STXBP4: variants seen among roughly 807,000 people sequenced by gnomAD.
STXBP4 encodes the protein syntaxin-binding protein 4.
A neutral mutation model predicts 76.1 loss-of-function variants in STXBP4; 55 were observed. The ratio of observed to expected loss-of-function variants is 0.72; its 90% CI spans 0.58 to 0.91. The LOEUF is 0.91. STXBP4 is among the 40% of genes least tolerant of loss of function. STXBP4 has a pLI of 0.00. For synonymous variants in STXBP4, 201 were observed against 220.2 expected, an observed-to-expected ratio of 0.91 and a Z score of 0.77; for missense variants, 618 against 636.9, an observed-to-expected ratio of 0.97 and a Z score of 0.32.
chr17:55,169,613 A>C lies in STXBP4; in HGVS notation c.*9702A>C, dbSNP rs574491345. 1 of 152,358 alleles carries C rather than the reference A, an allele frequency of 6.6e-6. No individual in the cohort carries two copies. The highest frequency in any genetic ancestry group is 1.9e-4 in the East Asian group (1 of 5,184). 9.4% of individuals were successfully genotyped at this position (152,358 alleles called of 1,614,324 possible). A position where few individuals can be genotyped will look rare whatever the true frequency, so the allele number is the denominator to read the frequency against. ...AAATGTGTGTCTTAGAATCGATAAAATATGGTATAGAGAATCAAGTCTCCT... is the reference window on the plus strand; with the variant it reads ...AAATGTGTGTCTTAGAATCGATAAACTATGGTATAGAGAATCAAGTCTCCT... On this transcript the variant is annotated 3_prime_UTR_variant, in exon 18 of 18. Coordinates refer to ENST00000376352, the MANE Select transcript of STXBP4 (RefSeq NM_178509.6).
chr17:55,174,239 CT>C (rs1172899624), downstream of STXBP4, among the ~76,000 whole-genome samples: 2 of 152,142 alleles, frequency 1.3e-5, no homozygotes, highest in Non-Finnish European at 2.9e-5. Context: ...GTTATTCTGC[CT>C]GCTTATCTTT....
chr17:54,996,800 T>A (rs2077811590), intron 4 of STXBP4, among the ~76,000 whole-genome samples: 1 of 152,224 alleles, frequency 6.6e-6, no homozygotes, highest in Non-Finnish European at 1.5e-5. Context: ...AATGAGTTAG[T>A]TAAGTCAGAA....
At chr17:55,021,784 T>C (rs1278666009) in intron 8 of STXBP4, among the ~76,000 whole-genome samples, 3 of 152,334 alleles carry the variant, frequency 2.0e-5, no homozygotes, top group East Asian at 3.9e-4. Flanking sequence ...TATAAAATGT[T>C]ACTATGTTAT....
In STXBP4 at chr17:54,999,660, A is replaced by G. The variant is rs114422198; in HGVS notation, c.316A>G (p.Ile106Val). ...RLESAWEIAF[I>V]RQKSDNIQPE... ...AGAATCTGCTTGGGAGATAGCATTCATAAGACAAAAATCCGACAACATTCA... is the reference window on the plus strand; with the variant it reads ...AGAATCTGCTTGGGAGATAGCATTCGTAAGACAAAAATCCGACAACATTCA... Residue 106 changes from isoleucine (I) to valine (V), a missense_variant, in exon 6 of 18, where the codon ATA becomes GTA. Transcript: ENST00000376352. The G allele has an allele frequency of 1.2e-6, 2 of 1,613,664 alleles. No individual in the cohort carries two copies. The highest frequency in any genetic ancestry group is 3.3e-5 in the Admixed American group (2 of 59,978).
At chr17:55,005,987 A>G (rs2078000448) in intron 7 of STXBP4, among the ~76,000 whole-genome samples, 1 of 152,088 alleles carries the variant, frequency 6.6e-6, no homozygotes, top group Non-Finnish European at 1.5e-5. Context: ...ATACCCATAT[A>G]TGTATATGTG....
the STXBP4 span, among the ~76,000 whole-genome samples, chr17:55,200,138 A>G: frequency 2.0e-5 from 3 of 152,204 alleles, no homozygotes; most frequent in African/African-American, 7.2e-5. Flanking sequence ...TCTTCTAGTA[A>G]GAGGAAATCT....
chr17:55,072,753 A>G, intron 12 of STXBP4, 147 bp from the exon 13 acceptor site: 1 of 556,210 alleles, frequency 1.8e-6, no homozygotes, highest in Non-Finnish European at 2.8e-6. Flanking sequence ...AAATAACATA[A>G]CTATTAATTT....
chr17:55,058,753 A>G (rs1246389670), intron 12 of STXBP4, among the ~76,000 whole-genome samples: 1 of 152,140 alleles, frequency 6.6e-6, no homozygotes, highest in African/African-American at 2.4e-5. Context: ...TACGTTTCCC[A>G]GTATTTTTAT....
At chr17:54,994,835 T>C (rs2077774948) in intron 4 of STXBP4, among the ~76,000 whole-genome samples, 1 of 151,882 alleles carries the variant, frequency 6.6e-6, no homozygotes, top group Non-Finnish European at 1.5e-5. Context: ...CCATCTCATA[T>C]GCTGTTCCCT....
At chr17:55,007,429 C>T (rs12051573) in intron 7 of STXBP4, 77 bp from the exon 8 acceptor site, 219,156 of 997,448 alleles carry the variant, frequency 0.22, 25,556 homozygotes, top group Middle Eastern at 0.36. Context: ...ACAGCAGGAA[C>T]TCAGAACATA....
At chr17:55,021,589 C>T (rs1057077722) in intron 8 of STXBP4, among the ~76,000 whole-genome samples, 1 of 151,964 alleles carries the variant, frequency 6.6e-6, no homozygotes, top group Non-Finnish European at 1.5e-5. Flanking sequence ...CTTACCTCTG[C>T]GTATTGTTGT....
chr17:54,970,952 AT>A (rs2077391267), intron 1 of STXBP4, among the ~76,000 whole-genome samples: 2 of 149,410 alleles, frequency 1.3e-5, no homozygotes, highest in South Asian at 4.2e-4. Flanking sequence ...ATGACAGTTC[AT>A]GTTTATGAAA....
chr17:55,002,645 C>T (rs60286236), intron 7 of STXBP4, among the ~76,000 whole-genome samples: 27,969 of 151,966 alleles, frequency 0.18, 3,051 homozygotes, highest in Middle Eastern at 0.34. Context: ...AAGACATGAA[C>T]AAAGAGGCCT....
intron 3 of STXBP4, among the ~76,000 whole-genome samples, chr17:54,987,300 T>G (rs1272324424): frequency 6.6e-6 from 1 of 152,186 alleles, no homozygotes; most frequent in African/African-American, 2.4e-5. Flanking sequence ...TTGGTCCTTT[T>G]GTAGTGCTTC....
the STXBP4 span, among the ~76,000 whole-genome samples, chr17:55,208,259 C>T: frequency 6.6e-6 from 1 of 151,930 alleles, no homozygotes; most frequent in Non-Finnish European, 1.5e-5. Flanking sequence ...CATAGCAGTG[C>T]CCAAGTGACA....
At chr17:55,182,291 G>T in the STXBP4 span, among the ~76,000 whole-genome samples, 1 of 152,046 alleles carries the variant, frequency 6.6e-6, no homozygotes, top group Non-Finnish European at 1.5e-5. Flanking sequence ...CAGAAAAGGG[G>T]ATACTTTAGA....
At chr17:55,096,920 C>T (rs1276898299) in intron 16 of STXBP4, among the ~76,000 whole-genome samples, 1 of 152,020 alleles carries the variant, frequency 6.6e-6, no homozygotes, top group Non-Finnish European at 1.5e-5. Flanking sequence ...TGTTTTTCTT[C>T]TCACTGAATT....
At position 55,163,410 on chromosome 17, in the gene STXBP4, T is replaced by C. The variant is rs1598360654; in HGVS notation, c.*3499T>C. On this transcript the variant is annotated 3_prime_UTR_variant, in exon 18 of 18. Transcript: ENST00000376352. ...TACTCTTCTCTTTTCCTACTTTACA[T>C]GTAATGGTTGCGAGGACCAACTTTC... 6.6e-6 allele frequency: 1 copy of C among 152,194 alleles called. No individual in the cohort carries two copies. Among genetic ancestry groups the C allele is most frequent in the Non-Finnish European group, 1.5e-5 (1 of 68,040 alleles). 9.4% of individuals were successfully genotyped at this position (152,194 alleles called of 1,614,324 possible).
intron 12 of STXBP4, 142 bp downstream of exon 12, chr17:55,047,296 A>C (rs890212210): frequency 8.5e-6 from 4 of 471,312 alleles, no homozygotes; most frequent in African/African-American, 8.1e-5. Flanking sequence ...CATAATACAA[A>C]ATAGCACAGA....
Sources: gnomAD v4.1 joint callset for allele counts (sites outside exome capture counted in the v4.1 genomes callset) on GRCh38, gnomAD v4.1.1 for gene constraint, MANE v1.5 for transcripts, NCBI Gene and HGNC (gene_info 2026-07-23, HGNC 2026-07-21) for gene names.